The following CD14 variants were observed in gnomAD, a reference collection of about 807,000 sequenced individuals.
CD14 encodes the protein monocyte differentiation antigen CD14.
In CD14, 4 loss-of-function variants were observed where a neutral mutation model predicts 2.5. The ratio of observed to expected loss-of-function variants is 1.63; its 90% CI spans 0.80 to 3.72. The LOEUF (loss-of-function observed/expected upper bound fraction) is 3.72. CD14 is among the 30% of genes most tolerant of loss of function. The probability of loss-of-function intolerance (pLI) is 0.01; values close to 1 mark genes in which losing one functional copy is unlikely to be tolerated. For synonymous variants in CD14, 236 were observed against 235.1 expected (o/e 1.00, Z -0.04); for missense variants, 478 against 497.8 (o/e 0.96, Z 0.38).
Position 140,632,592 on chromosome 5 carries a change from G to C in CD14, c.392C>G (p.Thr131Ser), listed in dbSNP as rs1264820880. ...GGCTTCCAGAGGCAGCGGAGGCATG[G>C]TGCCGGTTATCTTTAGGTCCTCGAG... is the stretch of plus-strand genomic sequence containing the variant. The part of the protein sequence containing the change: ...LTLEDLKITG[T>S]MPPLPLEATG... Residue 131 changes from threonine to serine, a missense_variant, in exon 2 of 2, where the codon ACC (threonine) becomes AGC (serine). Transcript: ENST00000302014. This position sits in a 1 kb window ranked among gnomAD's most constrained non-coding sequence, Gnocchi z 6.2. 5 of 1,613,998 alleles carry C rather than the reference G, an allele frequency of 3.1e-6. No homozygotes were observed. The highest frequency in any genetic ancestry group is 4.2e-6 in the Non-Finnish European group (5 of 1,180,026).
At position 140,632,201 on chromosome 5, in the gene CD14, C is replaced by T. The variant is rs1372855833; in HGVS notation, c.783G>A (p.Leu261=). 62 of 1,613,470 alleles carry T rather than the reference C, an allele frequency of 3.8e-5. No homozygotes were observed. Among genetic ancestry groups the T allele is most frequent in the Non-Finnish European group, 5.0e-5 (59 of 1,179,738 alleles). Residue 261 remains leucine (L), a synonymous_variant, in exon 2 of 2, where the codon CTG becomes CTA. Coordinates refer to ENST00000302014, the MANE Select transcript of CD14 (RefSeq NM_000591.4). The surrounding 1 kb of genome is among the most constrained non-coding windows in gnomAD (Gnocchi z 6.2). ...GAGCGCTAGGGTTTACGGTGGCGCG[C>T]AGCGAGTTGTGGCTGAGGTCTAGGC... ...PHSLDLSHNS[L]RATVNPSAPR...
At position 140,632,617 on chromosome 5, in the gene CD14, G is replaced by A. The variant is rs1335217498; in HGVS notation, c.367C>T (p.Leu123Phe). The change falls in exon 2 of 2, where the codon CTC (leucine) becomes TTC (phenylalanine). Residue 123 changes from leucine (L) to phenylalanine (F), a missense_variant. Transcript: ENST00000302014. This position sits in a 1 kb window ranked among gnomAD's most constrained non-coding sequence, Gnocchi z 6.2. ...LAYSRLKELT[L>F]EDLKITGTMP... ...GTGCCGGTTATCTTTAGGTCCTCGA[G>A]CGTCAGTTCCTTGAGGCGGGAGTAC... The A allele has an allele frequency of 2.5e-6, 4 of 1,613,932 alleles. No homozygotes were observed.
chr5:140,632,319 G>A lies in CD14; in HGVS notation c.665C>T (p.Pro222Leu), dbSNP rs754007528. 8.1e-6 allele frequency: 13 copies of A among 1,613,908 alleles called. No homozygotes were observed. Among genetic ancestry groups the A allele is most frequent in the Admixed American group, 5.0e-5 (3 of 60,018 alleles). ...GCGCAGCGCTAGATTCTGGATGGCC[G>A]GGAACTTGTGGGGACAGAGAGCCGC... ...LMAALCPHKF[P>L]AIQNLALRNT... is the part of the protein sequence containing the mutation. The change falls in exon 2 of 2, where the codon CCG becomes CTG. Residue 222 changes from proline to leucine, a missense_variant. Physicochemically the swap from Pro to Leu is moderately conservative, Grantham distance 98. Transcript: ENST00000302014. This position sits in a 1 kb window ranked among gnomAD's most constrained non-coding sequence, Gnocchi z 6.2.
rs1460615098 is a variant in CD14 at position 140,632,652 on chromosome 5, C to G, written c.332G>C (p.Arg111Pro). 6.2e-7 allele frequency: 1 copy of G among 1,613,578 alleles called. No homozygotes were observed. Among genetic ancestry groups the G allele is most frequent in the Non-Finnish European group, 8.5e-7 (1 of 1,180,034 alleles). ...VPAQLLVGAL[R>P]VLAYSRLKEL... ...CTTGAGGCGGGAGTACGCTAGCACA[C>G]GCAGGGCGCCTACCAGTAGCTGAGC... Residue 111 changes from arginine (R) to proline (P), a missense_variant, in exon 2 of 2, where the codon CGT becomes CCT. Coordinates refer to ENST00000302014, the MANE Select transcript of CD14 (RefSeq NM_000591.4). This position sits in a 1 kb window ranked among gnomAD's most constrained non-coding sequence, Gnocchi z 6.2.
Position 140,631,967 on chromosome 5 carries a change from G to C in CD14, c.1017C>G (p.Pro339=), listed in dbSNP as rs77083413. 7.9e-4 allele frequency: 1,280 copies of C among 1,613,710 alleles called. 18 individuals are homozygous for C. The East Asian group carries it at 0.023, about 29-fold the overall frequency. The part of the protein sequence containing the change: ...NPFLVPGTAL[P]HEGSMNSGVV... ...CGCCGGAGTTCATTGAGCCCTCGTG[G>C]GGGAGGGCAGTTCCAGGGACCAGGA... Residue 339 remains proline (P), a synonymous_variant, in exon 2 of 2, where the codon CCC becomes CCG. Coordinates refer to ENST00000302014, the MANE Select transcript of CD14 (RefSeq NM_000591.4).
rs1300825300 is a variant in CD14 at position 140,633,148 on chromosome 5, C to A, written c.-77G>T. On this transcript the variant is annotated 5_prime_UTR_variant, in exon 1 of 2. Coordinates refer to ENST00000302014, the MANE Select transcript of CD14 (RefSeq NM_000591.4). The stretch of plus-strand genomic sequence containing the variant: ...TTAGCTTCTTTCCTACACAGCGGCA[C>A]CCGCCGGCTTCCAGGCTTCACACTT... The A allele has an allele frequency of 2.6e-5, 42 of 1,588,472 alleles. No homozygotes were observed. The highest frequency in any genetic ancestry group is 3.5e-5 in the Non-Finnish European group (41 of 1,163,786).
At position 140,632,401 on chromosome 5, in the gene CD14, C is replaced by T; in HGVS notation, c.583G>A (p.Ala195Thr). 6.2e-7 allele frequency: 1 copy of T among 1,614,142 alleles called. No homozygotes were observed. The highest frequency in any genetic ancestry group is 1.1e-5 in the South Asian group (1 of 91,090). ...TCAGACAGGTCTAGGCTGGTAAGGG[C>T]CGGGAAGGCGCGAACCTGTTCGCAG... ...FSCEQVRAFP[A>T]LTSLDLSDNP... is the part of the protein sequence containing the mutation. The change falls in exon 2 of 2, where the codon GCC becomes ACC. Residue 195 changes from alanine to threonine, a missense_variant. Physicochemically the swap from Ala to Thr is moderately conservative, Grantham distance 58. Coordinates refer to ENST00000302014, the MANE Select transcript of CD14 (RefSeq NM_000591.4). The surrounding 1 kb of genome is among the most constrained non-coding windows in gnomAD (Gnocchi z 6.2).
rs770121424 is a variant in CD14 at position 140,632,015 on chromosome 5, G to A, written c.969C>T (p.Asn323=). 4 of 1,614,196 alleles carry A rather than the reference G, an allele frequency of 2.5e-6. No individual in the cohort carries two copies. Among genetic ancestry groups the A allele is most frequent in the Middle Eastern group, 1.6e-4 (1 of 6,062 alleles). The change falls in exon 2 of 2, where the codon AAC becomes AAT. Residue 323 remains asparagine, a synonymous_variant. Transcript: ENST00000302014. This position sits in a 1 kb window ranked among gnomAD's most constrained non-coding sequence, Gnocchi z 6.2. Reference sequence around the variant, plus strand: ...GGAAGGGATTCCCGTCCAGTGTCAGGTTATCCACCTCGGGCAGCTCGTCAG... The same window carrying A: ...GGAAGGGATTCCCGTCCAGTGTCAGATTATCCACCTCGGGCAGCTCGTCAG... ...PQPDELPEVD[N]LTLDGNPFLV... is the part of the protein sequence containing the mutation.
In CD14 at chr5:140,632,167, T is replaced by G. The variant is rs746368784; in HGVS notation, c.817A>C (p.Met273Leu). 3 of 1,614,044 alleles carry G rather than the reference T, an allele frequency of 1.9e-6. No homozygotes were observed. The South Asian group carries it at 3.3e-5, about 18-fold the overall frequency. The change falls in exon 2 of 2, where the codon ATG becomes CTG. Residue 273 changes from methionine (M) to leucine (L), a missense_variant. Met to Leu is a conservative substitution (Grantham distance 15). Transcript: ENST00000302014. The surrounding 1 kb of genome is among the most constrained non-coding windows in gnomAD (Gnocchi z 6.2). ...ATVNPSAPRC[M>L]WSSALNSLNL... ...AGGGAGTTCAGGGCGCTGGACCACATGCATCTCGGAGCGCTAGGGTTTACG... is the reference window on the plus strand; with the variant it reads ...AGGGAGTTCAGGGCGCTGGACCACAGGCATCTCGGAGCGCTAGGGTTTACG...
rs543466008 is a variant in CD14 at position 140,631,910 on chromosome 5, C to T, written c.1074G>A (p.Ser358=). ...VVPACARSTL[S]VGVSGTLVLL... ...GCACCAGGGTTCCCGACACCCCCAC[C>T]GACAGGGTCGAACGTGCACAGGCTG... Residue 358 remains serine (S), a synonymous_variant, in exon 2 of 2, where the codon TCG becomes TCA. Transcript: ENST00000302014. 8.1e-6 allele frequency: 13 copies of T among 1,598,224 alleles called. No homozygotes were observed. The highest frequency in any genetic ancestry group is 1.0e-5 in the Non-Finnish European group (12 of 1,168,094).
In CD14 at chr5:140,632,540, G is replaced by T; in HGVS notation, c.444C>A (p.Arg148=). 6.2e-7 allele frequency: 1 copy of T among 1,614,184 alleles called. No individual in the cohort carries two copies. Among genetic ancestry groups the T allele is most frequent in the African/African-American group, 1.3e-5 (1 of 75,074 alleles). The change falls in exon 2 of 2, where the codon CGC becomes CGA. Residue 148 remains arginine, a synonymous_variant. Transcript: ENST00000302014. This position sits in a 1 kb window ranked among gnomAD's most constrained non-coding sequence, Gnocchi z 6.2. ...CTGTCGCCCACGACACGTTGCGTAG[G>T]CGCAAGCTGGAAAGTGCAAGTCCTG... ...EATGLALSSL[R]LRNVSWATGR...
At position 140,633,164 on chromosome 5, in the gene CD14, C is replaced by A; in HGVS notation, c.-93G>T. 1 of 1,541,298 alleles carries A rather than the reference C, an allele frequency of 6.5e-7. No homozygotes were observed. The highest frequency in any genetic ancestry group is 8.9e-7 in the Non-Finnish European group (1 of 1,125,606). ...ACAGCGGCACCCGCCGGCTTCCAGG[C>A]TTCACACTTGTGAACTCTTCGGCTG... On this transcript the variant is annotated 5_prime_UTR_variant, in exon 1 of 2. Transcript: ENST00000302014.
Position 140,632,334 on chromosome 5 carries a change from C to A in CD14, c.650G>T (p.Cys217Phe). Residue 217 changes from cysteine to phenylalanine, a missense_variant, in exon 2 of 2, where the codon TGT (cysteine) becomes TTT (phenylalanine). Transcript: ENST00000302014. This position sits in a 1 kb window ranked among gnomAD's most constrained non-coding sequence, Gnocchi z 6.2. ...LGERGLMAAL[C>F]PHKFPAIQNL... Reference sequence around the variant, plus strand: ...CTGGATGGCCGGGAACTTGTGGGGACAGAGAGCCGCCATCAGTCCGCGTTC... The same window carrying A: ...CTGGATGGCCGGGAACTTGTGGGGAAAGAGAGCCGCCATCAGTCCGCGTTC... 5.6e-6 allele frequency: 9 copies of A among 1,614,078 alleles called. No homozygotes were observed. Among genetic ancestry groups the A allele is most frequent in the Non-Finnish European group, 7.6e-6 (9 of 1,180,054 alleles).
In CD14 at chr5:140,631,869, C is replaced by A. The variant is rs778780195; in HGVS notation, c.1115G>T (p.Arg372Leu). ...CTGTCTTGGATCTTAGGCAAAGCCCCGGGCCCCTTGGAGCAGCACCAGGGT... is the reference window on the plus strand; with the variant it reads ...CTGTCTTGGATCTTAGGCAAAGCCCAGGGCCCCTTGGAGCAGCACCAGGGT... ...SGTLVLLQGARGFA is the reference protein window; with the variant it reads ...SGTLVLLQGALGFA Residue 372 changes from arginine to leucine, a missense_variant, in exon 2 of 2, where the codon CGG (arginine) becomes CTG (leucine). By Grantham distance (102) the Arg-to-Leu change is moderately radical. Transcript: ENST00000302014. 1.9e-6 allele frequency: 3 copies of A among 1,562,858 alleles called. No individual in the cohort carries two copies. The highest frequency in any genetic ancestry group is 2.6e-6 in the Non-Finnish European group (3 of 1,150,244).
In CD14 at chr5:140,632,980, C is replaced by G. The variant is rs987397504; in HGVS notation, c.4G>C (p.Glu2Gln). MERASCLLLLLL... is the reference protein window; with the variant it reads MQRASCLLLLLL... Reference sequence around the variant, plus strand: ...AGCAGCAACAAGCAGGACGCGCGCTCCTGGGGAGAGAGCAGAGGTCTAGGA... The same window carrying G: ...AGCAGCAACAAGCAGGACGCGCGCTGCTGGGGAGAGAGCAGAGGTCTAGGA... The change falls in exon 2 of 2, where the codon GAG (glutamate) becomes CAG (glutamine). Residue 2 changes from glutamate to glutamine, a missense_variant and splice_region_variant. Glu to Gln is a conservative substitution (Grantham distance 29, BLOSUM62 2). Transcript: ENST00000302014. This position sits in a 1 kb window ranked among gnomAD's most constrained non-coding sequence, Gnocchi z 6.2. The G allele has an allele frequency of 1.2e-6, 2 of 1,614,132 alleles. No homozygotes were observed. The highest frequency in any genetic ancestry group is 1.7e-6 in the Non-Finnish European group (2 of 1,180,008).
In CD14 at chr5:140,632,299, G is replaced by A. The variant is rs373714741; in HGVS notation, c.685C>T (p.Leu229=). 2.5e-6 allele frequency: 4 copies of A among 1,613,864 alleles called. No homozygotes were observed. In the African/African-American group the frequency reaches 4.0e-5, roughly 16 times the overall value. The change falls in exon 2 of 2, where the codon CTG becomes TTG. Residue 229 remains leucine (L), a synonymous_variant. Transcript: ENST00000302014. The surrounding 1 kb of genome is among the most constrained non-coding windows in gnomAD (Gnocchi z 6.2). ...HKFPAIQNLA[L]RNTGMETPTG... ...GGCGTCTCCATTCCTGTGTTGCGCA[G>A]CGCTAGATTCTGGATGGCCGGGAAC... is the stretch of plus-strand genomic sequence containing the variant.
chr5:140,632,413 G>A lies in CD14; in HGVS notation c.571C>T (p.Arg191Cys), dbSNP rs763146642. 1 of 1,614,184 alleles carries A rather than the reference G, an allele frequency of 6.2e-7. No homozygotes were observed. The highest frequency in any genetic ancestry group is 8.5e-7 in the Non-Finnish European group (1 of 1,180,052). ...HSPAFSCEQV[R>C]AFPALTSLDL... ...AGGCTGGTAAGGGCCGGGAAGGCGC[G>A]AACCTGTTCGCAGGAAAAGGCAGGC... Residue 191 changes from arginine (R) to cysteine (C), a missense_variant, in exon 2 of 2, where the codon CGC becomes TGC. By Grantham distance (180) the Arg-to-Cys change is radical. Coordinates refer to ENST00000302014, the MANE Select transcript of CD14 (RefSeq NM_000591.4). This position sits in a 1 kb window ranked among gnomAD's most constrained non-coding sequence, Gnocchi z 6.2.
Position 140,631,770 on chromosome 5 carries a change from G to T in CD14, c.*86C>A. 7.9e-7 allele frequency: 1 copy of T among 1,269,980 alleles called. No individual in the cohort carries two copies. The highest frequency in any genetic ancestry group is 1.1e-6 in the Non-Finnish European group (1 of 909,942). The allele number at this position is 1,269,980 out of a possible 1,614,324, so 78.7% of individuals were successfully genotyped here. On this transcript the variant is annotated 3_prime_UTR_variant, in exon 2 of 2. Transcript: ENST00000302014. ...TTTAATAAAGGTGGGGCAAAGGGTT[G>T]AATTGGTCGAAAAGTCCTCAACGTC...
Position 140,632,020 on chromosome 5 carries a change from C to T in CD14, c.964G>A (p.Asp322Asn). 1 of 1,614,210 alleles carries T rather than the reference C, an allele frequency of 6.2e-7. No homozygotes were observed. ...APQPDELPEV[D>N]NLTLDGNPFL... Reference sequence around the variant, plus strand: ...GGATTCCCGTCCAGTGTCAGGTTATCCACCTCGGGCAGCTCGTCAGGCTGC... The same window carrying T: ...GGATTCCCGTCCAGTGTCAGGTTATTCACCTCGGGCAGCTCGTCAGGCTGC... Residue 322 changes from aspartate to asparagine, a missense_variant, in exon 2 of 2, where the codon GAT becomes AAT. By Grantham distance (23) the Asp-to-Asn change is conservative (BLOSUM62 1). Transcript: ENST00000302014. This position sits in a 1 kb window ranked among gnomAD's most constrained non-coding sequence, Gnocchi z 6.2.
Sources: gnomAD v4.1 joint callset for allele counts on GRCh38, gnomAD v4.1.1 for gene constraint, Gnocchi (gnomAD v3.1) non-coding constraint, MANE v1.5 for transcripts, NCBI Gene and HGNC (gene_info 2026-07-23, HGNC 2026-07-21) for gene names.